The following EMILIN1 variants were observed in gnomAD, a reference collection of about 807,000 sequenced individuals.
The protein encoded by EMILIN1 is elastin microfibril interfacer 1, also known as EMILIN-1.
EMILIN1 carries 49 observed loss-of-function variants against 82.4 expected under a neutral mutation model. The observed-to-expected ratio is 0.59, with a 90% CI of 0.47 to 0.75. The LOEUF (loss-of-function observed/expected upper bound fraction) is 0.75, where lower values mean the gene tolerates loss of function less well. Among genes scored for constraint, EMILIN1 ranks in the 30% least tolerant of loss-of-function variants. EMILIN1 has a pLI of 0.00. For missense variants in EMILIN1, 1,313 were observed against 1,366.4 expected (o/e 0.96, Z 0.62); for synonymous variants, 604 against 602.2 (o/e 1.00, Z -0.04).
At position 27,083,588 on chromosome 2, in the gene EMILIN1, G is replaced by C; in HGVS notation, c.2017G>C (p.Ala673Pro). 6.2e-7 allele frequency: 1 copy of C among 1,613,664 alleles called. No individual in the cohort carries two copies. Among genetic ancestry groups the C allele is most frequent in the Non-Finnish European group, 8.5e-7 (1 of 1,179,666 alleles). ...ELQTTVEGQG[A>P]DLADLGATKD... The stretch of plus-strand genomic sequence containing the variant: ...CCAGACCACTGTGGAGGGCCAGGGC[G>C]CTGATCTGGCTGACCTGGGGGCAAC... The change falls in exon 4 of 8, where the codon GCT (alanine) becomes CCT (proline). Residue 673 changes from alanine (A) to proline (P), a missense_variant. Ala to Pro is a conservative substitution (Grantham distance 27). Transcript: ENST00000380320.
At chr2:27,079,676 A>G (rs1669441128) in intron 1 of EMILIN1, among the ~76,000 whole-genome samples, 1 of 152,156 alleles carries the variant, frequency 6.6e-6, no homozygotes. Context: ...GGAGTATAGA[A>G]CTGCAATCCC....
At chr2:27,079,590 T>A (rs1669439987) in intron 1 of EMILIN1, among the ~76,000 whole-genome samples, 1 of 152,166 alleles carries the variant, frequency 6.6e-6, no homozygotes, top group South Asian at 2.1e-4. Flanking sequence ...TAATCCATAA[T>A]TCTGACACCA....
At chr2:27,084,554 T>G (rs748917337) in intron 5 of EMILIN1, 23 bp downstream of exon 5, 9 of 1,504,086 alleles carry the variant, frequency 6.0e-6, no homozygotes, top group Non-Finnish European at 7.4e-6. Flanking sequence ...AGACCCTTGC[T>G]GCAGTCAGGG....
At chr2:27,084,914 G>A (rs1317788038) in intron 5 of EMILIN1, 77 bp from the exon 6 acceptor site, 2 of 1,382,494 alleles carry the variant, frequency 1.4e-6, no homozygotes, top group Non-Finnish European at 2.1e-6. Context: ...CACAACAGGA[G>A]AGCCTCAGCA....
chr2:27,080,384 A>T, intron 2 of EMILIN1, 114 bp downstream of exon 2: 1 of 1,392,102 alleles, frequency 7.2e-7, no homozygotes, highest in Non-Finnish European at 9.9e-7. Flanking sequence ...GACAGGGGCT[A>T]GGGTCACAGC....
Position 27,082,491 on chromosome 2 carries a change from C to T in EMILIN1, c.920C>T (p.Ala307Val), listed in dbSNP as rs1218610227. 3.2e-6 allele frequency: 5 copies of T among 1,551,480 alleles called. No homozygotes were observed. Among genetic ancestry groups the T allele is most frequent in the African/African-American group, 1.4e-5 (1 of 73,144 alleles). ...RLQESCSVCLAGLDGFRRQQQ... is the reference protein window; with the variant it reads ...RLQESCSVCLVGLDGFRRQQQ... Reference sequence around the variant, plus strand: ...CAGGAGTCCTGCTCCGTGTGCCTGGCCGGGCTAGATGGCTTCCGCCGGCAG... The same window carrying T: ...CAGGAGTCCTGCTCCGTGTGCCTGGTCGGGCTAGATGGCTTCCGCCGGCAG... The change falls in exon 4 of 8, where the codon GCC (alanine) becomes GTC (valine). Residue 307 changes from alanine to valine, a missense_variant. Ala to Val is a moderately conservative substitution (Grantham distance 64, BLOSUM62 0). Coordinates refer to ENST00000380320, the MANE Select transcript of EMILIN1 (RefSeq NM_007046.4).
chr2:27,081,683 A>G (rs145859226), intron 3 of EMILIN1, among the ~76,000 whole-genome samples: 1,966 of 152,278 alleles, frequency 0.013, 29 homozygotes, highest in South Asian at 0.043. Flanking sequence ...TTCGCAGAAG[A>G]GGAAAGAGTT....
rs201761740 is a variant in EMILIN1 at position 27,082,446 on chromosome 2, G to A, written c.875G>A (p.Arg292Gln). 782 of 1,583,876 alleles carry A rather than the reference G, an allele frequency of 4.9e-4. 5 individuals carry two copies. In the African/African-American group the frequency reaches 9.1e-3, roughly 18 times the overall value. The change falls in exon 4 of 8, where the codon CGG (arginine) becomes CAG (glutamine). Residue 292 changes from arginine to glutamine, a missense_variant. Coordinates refer to ENST00000380320, the MANE Select transcript of EMILIN1 (RefSeq NM_007046.4). ...CCGGGCCCCAGTGAGGAGCTGCTGC[G>A]GCAGCTGGAGCAGCGGTTGCAGGAG... ...APPGPSEELL[R>Q]QLEQRLQESC...
chr2:27,085,075 C>A, intron 6 of EMILIN1, 67 bp downstream of exon 6: 1 of 1,612,580 alleles, frequency 6.2e-7, no homozygotes. Context: ...GGTCCTCGGG[C>A]AGCCCTGGGC....
At position 27,082,718 on chromosome 2, in the gene EMILIN1, C is replaced by G; in HGVS notation, c.1147C>G (p.Arg383Gly). The G allele has an allele frequency of 6.5e-7, 1 of 1,550,216 alleles. No individual in the cohort carries two copies. Among genetic ancestry groups the G allele is most frequent in the Non-Finnish European group, 8.7e-7 (1 of 1,152,642 alleles). ...CTCAGTGACAGTGCTGAGTGGGCGGCGAGGCACAGAGCTGGGAGGAGCCGC... is the reference window on the plus strand; with the variant it reads ...CTCAGTGACAGTGCTGAGTGGGCGGGGAGGCACAGAGCTGGGAGGAGCCGC... The part of the protein sequence containing the change: ...AGSVTVLSGR[R>G]GTELGGAAGQ... Residue 383 changes from arginine (R) to glycine (G), a missense_variant, in exon 4 of 8, where the codon CGA becomes GGA. Coordinates refer to ENST00000380320, the MANE Select transcript of EMILIN1 (RefSeq NM_007046.4).
chr2:27,085,615 C>G (rs1024094655), intron 7 of EMILIN1, 63 bp from the exon 8 acceptor site: 2 of 1,462,834 alleles, frequency 1.4e-6, no homozygotes, highest in Non-Finnish European at 1.9e-6. Flanking sequence ...CTCCTCAGTC[C>G]AGGAGTTCTG....
chr2:27,084,989 A>G lies in EMILIN1; in HGVS notation c.2558-2A>G, dbSNP rs1227457800. 1.2e-6 allele frequency: 2 copies of G among 1,613,718 alleles called. No homozygotes were observed. The highest frequency in any genetic ancestry group is 1.7e-6 in the Non-Finnish European group (2 of 1,179,588). The stretch of plus-strand genomic sequence containing the variant: ...TCACTGCTCCCTTTCCTCTTCTCAC[A>G]GGTCCTCAAGGTGAACAGGGTGAGT... On this transcript the variant is annotated splice_acceptor_variant, in intron 5 of 7. Transcript: ENST00000380320. LOFTEE classifies it high-confidence loss of function.
chr2:27,086,123 C>T lies in EMILIN1; in HGVS notation c.*108C>T. Reference sequence around the variant, plus strand: ...CACCTAGCCCTGGGCGAGCGCCGCACCCGGGCCCGCAGCGGCACCGCGCCC... The same window carrying T: ...CACCTAGCCCTGGGCGAGCGCCGCATCCGGGCCCGCAGCGGCACCGCGCCC... On this transcript the variant is annotated 3_prime_UTR_variant, in exon 8 of 8. Transcript: ENST00000380320. 4.7e-6 allele frequency: 4 copies of T among 844,464 alleles called. No individual in the cohort carries two copies. The highest frequency in any genetic ancestry group is 6.5e-6 in the Non-Finnish European group (4 of 620,128). 52.3% of individuals were successfully genotyped at this position (844,464 alleles called of 1,614,324 possible).
chr2:27,078,916 A>G lies in EMILIN1; in HGVS notation c.-150A>G. On this transcript the variant is annotated 5_prime_UTR_variant, in exon 1 of 8. Transcript: ENST00000380320. ...GGGGTCAGGCCAGGCAGCCAAGGAGAAGACGTGTGGCCGGGGGCTATCAGA... is the reference window on the plus strand; with the variant it reads ...GGGGTCAGGCCAGGCAGCCAAGGAGGAGACGTGTGGCCGGGGGCTATCAGA... The G allele has an allele frequency of 1.8e-6, 1 of 554,486 alleles. No individual in the cohort carries two copies. The highest frequency in any genetic ancestry group is 2.5e-5 in the South Asian group (1 of 40,654). The allele number at this position is 554,486 out of a possible 1,614,324, so 34.3% of individuals were successfully genotyped here.
chr2:27,082,682 G>T lies in EMILIN1; in HGVS notation c.1111G>T (p.Val371Phe). The T allele has an allele frequency of 1.3e-6, 2 of 1,554,262 alleles. No homozygotes were observed. The highest frequency in any genetic ancestry group is 8.7e-7 in the Non-Finnish European group (1 of 1,153,156). Residue 371 changes from valine to phenylalanine, a missense_variant, in exon 4 of 8, where the codon GTC (valine) becomes TTC (phenylalanine). Val to Phe is a conservative substitution (Grantham distance 50). Coordinates refer to ENST00000380320, the MANE Select transcript of EMILIN1 (RefSeq NM_007046.4). The part of the protein sequence containing the change: ...RLAELERRLD[V>F]VAGSVTVLSG... Reference sequence around the variant, plus strand: ...GGCAGAGCTGGAGCGCAGGCTGGATGTCGTGGCCGGCTCAGTGACAGTGCT... The same window carrying T: ...GGCAGAGCTGGAGCGCAGGCTGGATTTCGTGGCCGGCTCAGTGACAGTGCT...
Position 27,086,047 on chromosome 2 carries a change from C to T in EMILIN1, c.*32C>T. On this transcript the variant is annotated 3_prime_UTR_variant, in exon 8 of 8. Transcript: ENST00000380320. Reference sequence around the variant, plus strand: ...GTCCCGCCCGACGTGTCTACGTCGGCTGAAGAGACAGCGGGGGCGGCGGGC... The same window carrying T: ...GTCCCGCCCGACGTGTCTACGTCGGTTGAAGAGACAGCGGGGGCGGCGGGC... 7.2e-6 allele frequency: 10 copies of T among 1,382,766 alleles called. No individual in the cohort carries two copies. Among genetic ancestry groups the T allele is most frequent in the Non-Finnish European group, 9.5e-6 (10 of 1,052,096 alleles). The allele number at this position is 1,382,766 out of a possible 1,614,324, so 85.7% of individuals were successfully genotyped here.
Position 27,082,408 on chromosome 2 carries a change from A to T in EMILIN1, c.837A>T (p.Pro279=), listed in dbSNP as rs749684844. The T allele has an allele frequency of 1.2e-6, 2 of 1,607,572 alleles. No homozygotes were observed. The highest frequency in any genetic ancestry group is 1.7e-6 in the Non-Finnish European group (2 of 1,178,510). ...GTGGGGGCAGCAGGGCCCCAGCCCC[A>T]GCCTCAGCCCCTCCGGGCCCCAGTG... ...SSSGGSRAPA[P]ASAPPGPSEE... Residue 279 remains proline, a synonymous_variant, in exon 4 of 8, where the codon CCA becomes CCT. Coordinates refer to ENST00000380320, the MANE Select transcript of EMILIN1 (RefSeq NM_007046.4).
chr2:27,078,681 A>C lies in EMILIN1; in HGVS notation c.-385A>C. The C allele has an allele frequency of 5.4e-6, 1 of 184,250 alleles. No individual in the cohort carries two copies. Among genetic ancestry groups the C allele is most frequent in the Non-Finnish European group, 1.1e-5 (1 of 89,540 alleles). 11.4% of individuals were successfully genotyped at this position (184,250 alleles called of 1,614,324 possible). On this transcript the variant is annotated 5_prime_UTR_variant, in exon 1 of 8. Transcript: ENST00000380320. ...ACCCCCAGGATCCGGTCATCAGGGA[A>C]AGAGGACAGGGAGACCAGAAGAGGG...
Position 27,084,454 on chromosome 2 carries a change from TGCAG to T in EMILIN1, c.2482_2485del (p.Gln828AspfsTer49), listed in dbSNP as rs1669553826. ...GCTGGGCCCCCAGGGCCTCCTGGGC[TGCAG>T]GGACCCCCAGGCCCTGCTGGACCTC... On this transcript the variant is annotated frameshift_variant, in exon 5 of 8. Transcript: ENST00000380320. LOFTEE classifies it high-confidence loss of function. The T allele has an allele frequency of 6.2e-7, 1 of 1,612,590 alleles. No homozygotes were observed. Among genetic ancestry groups the T allele is most frequent in the Non-Finnish European group, 8.5e-7 (1 of 1,179,630 alleles).
Sources: allele counts gnomAD v4.1 joint callset (sites outside exome capture counted in the v4.1 genomes callset), GRCh38; gene constraint gnomAD v4.1.1; transcripts MANE v1.5; gene names NCBI Gene and HGNC (gene_info 2026-07-23, HGNC 2026-07-21).